The following SAMD5 variants were observed in gnomAD, a reference collection of about 807,000 sequenced individuals.
SAMD5 encodes the protein sterile alpha motif domain containing 5, also known as sterile alpha motif domain-containing protein 5.
A neutral mutation model predicts 11.3 loss-of-function variants in SAMD5; 13 were observed. The ratio of observed to expected loss-of-function variants is 1.15; its 90% CI spans 0.75 to 1.83. The LOEUF is 1.83. Among genes scored for constraint, SAMD5 ranks in the 40% most tolerant of loss-of-function variants. The pLI, the probability that SAMD5 is intolerant of heterozygous loss-of-function variation, is 0.00. For missense variants in SAMD5, 255 were observed against 239.1 expected, an observed-to-expected ratio of 1.07 and a Z score of -0.44; for synonymous variants, 129 against 111.3, an observed-to-expected ratio of 1.16 and a Z score of -1.00.
the SAMD5 span, among the ~76,000 whole-genome samples, chr6:147,860,499 G>A: frequency 6.6e-6 from 1 of 152,098 alleles, no homozygotes. Flanking sequence ...CTCATGTATT[G>A]ATATTCATAA....
chr6:147,755,637 G>A, the SAMD5 span, among the ~76,000 whole-genome samples: 2 of 152,178 alleles, frequency 1.3e-5, no homozygotes, highest in Admixed American at 6.5e-5. Context: ...TTTAAGCCAA[G>A]GCTTTCCCAC....
In SAMD5 at chr6:147,587,180, C is replaced by G. The variant is rs549268651; in HGVS notation, c.162+77793C>G. 2.0e-5 allele frequency among the ~76,000 whole-genome samples: 3 copies of G among 152,222 alleles called. No homozygotes were observed. The East Asian group carries it at 5.8e-4, about 29-fold the overall frequency. ...TTTCTCATCACTATATTCTCAGCAC[C>G]TAGAGCAATTGTAATTCCTGCTAAA... On this transcript the variant is annotated intron_variant, in intron 1 of 1. Coordinates refer to the SAMD5 transcript ENST00000566741.
chr6:147,740,710 T>C (rs1412349511), downstream of SAMD5, among the ~76,000 whole-genome samples: 1 of 152,174 alleles, frequency 6.6e-6, no homozygotes, highest in Non-Finnish European at 1.5e-5. Flanking sequence ...AAATGCTCCT[T>C]TTTCCCTATA....
chr6:147,746,945 A>G, the SAMD5 span, among the ~76,000 whole-genome samples: 1 of 151,790 alleles, frequency 6.6e-6, no homozygotes, highest in Admixed American at 6.6e-5. Flanking sequence ...TCAGGATTTC[A>G]GGCGTTTAAG....
At chr6:147,894,128 T>C in the SAMD5 span, among the ~76,000 whole-genome samples, 1 of 92,814 alleles carries the variant, frequency 1.1e-5, no homozygotes, top group Admixed American at 1.1e-4. Context: ...TGTTTTGTAT[T>C]TTTTTTTTTT....
chr6:147,865,665 T>C, the SAMD5 span, among the ~76,000 whole-genome samples: 2 of 152,304 alleles, frequency 1.3e-5, no homozygotes, highest in East Asian at 3.9e-4. Context: ...AGGGTTTTTC[T>C]TGGGGAGCCA....
the SAMD5 span, among the ~76,000 whole-genome samples, chr6:147,758,422 A>C: frequency 2.0e-5 from 3 of 152,246 alleles, no homozygotes; most frequent in African/African-American, 7.2e-5. Flanking sequence ...TTTAAGGCAC[A>C]AAAAGCAACT....
the SAMD5 span, among the ~76,000 whole-genome samples, chr6:147,863,361 C>T: frequency 6.6e-6 from 1 of 152,164 alleles, no homozygotes; most frequent in Non-Finnish European, 1.5e-5. Flanking sequence ...AAACCCCTCT[C>T]TGGTGTATTA....
chr6:147,623,778 G>A (rs780681189), intron 1 of SAMD5, among the ~76,000 whole-genome samples: 8 of 152,218 alleles, frequency 5.3e-5, no homozygotes, highest in Non-Finnish European at 7.3e-5. Context: ...TGAAGAATTG[G>A]TAAGTGGTAG....
chr6:147,816,297 AAAAAATATATATAT>A, the SAMD5 span, among the ~76,000 whole-genome samples: 10 of 86,608 alleles, frequency 1.2e-4, no homozygotes, highest in African/African-American at 6.7e-4. Flanking sequence ...AAAAAAAAAA[AAAAAATATATATAT>A]ATATATATAT....
chr6:147,680,576 T>C (rs937090470), intron 1 of SAMD5, among the ~76,000 whole-genome samples: 1 of 152,126 alleles, frequency 6.6e-6, no homozygotes, highest in Non-Finnish European at 1.5e-5. Flanking sequence ...GCAGATGTGG[T>C]TGCTTTGTAC....
At chr6:147,630,626 C>A (rs183495538) in intron 1 of SAMD5, among the ~76,000 whole-genome samples, 135 of 152,020 alleles carry the variant, frequency 8.9e-4, no homozygotes, top group African/African-American at 2.9e-3. Flanking sequence ...TATAAAACAG[C>A]CCCACCCCTA....
chr6:147,781,522 C>T, the SAMD5 span, among the ~76,000 whole-genome samples: 2 of 152,066 alleles, frequency 1.3e-5, no homozygotes, highest in African/African-American at 2.4e-5. Flanking sequence ...GAGAAGCAAA[C>T]TCACAGAGCT....
At chr6:147,847,660 C>G in the SAMD5 span, among the ~76,000 whole-genome samples, 3 of 152,118 alleles carry the variant, frequency 2.0e-5, no homozygotes, top group African/African-American at 7.2e-5. Flanking sequence ...CGAGACCAGC[C>G]TGGCCAAGGT....
chr6:147,776,514 C>T, the SAMD5 span, among the ~76,000 whole-genome samples: 1 of 152,122 alleles, frequency 6.6e-6, no homozygotes. Context: ...AAAATAGGCC[C>T]ATTGAAACAT....
At chr6:147,824,566 T>C in the SAMD5 span, among the ~76,000 whole-genome samples, 3 of 152,186 alleles carry the variant, frequency 2.0e-5, no homozygotes, top group African/African-American at 7.2e-5. Flanking sequence ...TTGCGGATCA[T>C]TAACCACTTG....
intron 1 of SAMD5, among the ~76,000 whole-genome samples, chr6:147,683,174 C>T (rs893678873): frequency 5.3e-5 from 8 of 152,182 alleles, no homozygotes; most frequent in Non-Finnish European, 8.8e-5. Context: ...GAAATGCTTG[C>T]CTATGTAAAT....
intron 1 of SAMD5, among the ~76,000 whole-genome samples, chr6:147,713,162 C>T (rs73599442): frequency 0.042 from 6,441 of 152,276 alleles, 233 homozygotes; most frequent in African/African-American, 0.1. Flanking sequence ...TTTGCAAACT[C>T]TGCTATCCTT....
intron 1 of SAMD5, among the ~76,000 whole-genome samples, chr6:147,677,429 G>T (rs561528613): frequency 6.6e-6 from 1 of 152,298 alleles, no homozygotes; most frequent in Non-Finnish European, 1.5e-5. Context: ...TGTTGGAAAA[G>T]GAGTGGCTGC....
Sources: allele counts gnomAD v4.1 joint callset (sites outside exome capture counted in the v4.1 genomes callset), GRCh38; gene constraint gnomAD v4.1.1; transcripts MANE v1.5; gene names NCBI Gene and HGNC (gene_info 2026-07-23, HGNC 2026-07-21).